The following CNTNAP5 variants were observed in gnomAD, a reference collection of about 807,000 sequenced individuals.
The protein encoded by CNTNAP5 is contactin-associated protein-like 5.
A neutral mutation model predicts 150.2 loss-of-function variants in CNTNAP5; 72 were observed. The ratio of observed to expected loss-of-function variants is 0.48; its 90% CI spans 0.40 to 0.58. CNTNAP5 has a LOEUF of 0.58. CNTNAP5 is among the 20% of genes least tolerant of loss of function. The pLI is 0.00. For synonymous variants in CNTNAP5, 672 were observed against 619.8 expected (o/e 1.08, Z -1.25); for missense variants, 1,636 against 1,626.2 (o/e 1.01, Z -0.10).
chr2:124,683,543 C>A (rs1412431961), intron 13 of CNTNAP5, among the ~76,000 whole-genome samples: 1 of 152,106 alleles, frequency 6.6e-6, no homozygotes, highest in African/African-American at 2.4e-5. Flanking sequence ...TGCCTCCCAC[C>A]CTTCCCCTTG....
At chr2:124,611,373 A>G (rs1677381723) in intron 12 of CNTNAP5, among the ~76,000 whole-genome samples, 1 of 152,256 alleles carries the variant, frequency 6.6e-6, no homozygotes, top group Non-Finnish European at 1.5e-5. Context: ...CTGTCTGCGT[A>G]GAAAATGCTG....
chr2:124,616,872 C>T (rs1227189976), intron 12 of CNTNAP5, among the ~76,000 whole-genome samples: 2 of 152,040 alleles, frequency 1.3e-5, no homozygotes, highest in African/African-American at 4.8e-5. Context: ...TCAGAACACA[C>T]AATATTGGTC....
At chr2:124,637,220 C>A (rs926235119) in intron 12 of CNTNAP5, among the ~76,000 whole-genome samples, 2 of 152,154 alleles carry the variant, frequency 1.3e-5, no homozygotes, top group African/African-American at 2.4e-5. Context: ...ATTGCCACGA[C>A]CCTTCAACCT....
At chr2:124,491,228 T>G (rs1166843616) in intron 7 of CNTNAP5, among the ~76,000 whole-genome samples, 1 of 152,096 alleles carries the variant, frequency 6.6e-6, no homozygotes, top group African/African-American at 2.4e-5. Context: ...TCTCTTACCC[T>G]CTAACCCTGA....
At chr2:124,641,411 C>T (rs1247995289) in intron 12 of CNTNAP5, among the ~76,000 whole-genome samples, 1 of 152,088 alleles carries the variant, frequency 6.6e-6, no homozygotes, top group Non-Finnish European at 1.5e-5. Context: ...CCATGAAGCC[C>T]TTTCCAAGCC....
At chr2:124,564,877 A>G (rs1213668926) in intron 11 of CNTNAP5, among the ~76,000 whole-genome samples, 1 of 152,136 alleles carries the variant, frequency 6.6e-6, no homozygotes, top group East Asian at 1.9e-4. Context: ...TAAGATAAAC[A>G]TTTTCTAGAC....
chr2:124,354,903 A>G (rs1336102245), intron 3 of CNTNAP5, among the ~76,000 whole-genome samples: 1 of 152,002 alleles, frequency 6.6e-6, no homozygotes, highest in Non-Finnish European at 1.5e-5. Context: ...TGATAAGCAT[A>G]ATCAGATCAA....
chr2:124,652,583 T>C lies in CNTNAP5; in HGVS notation c.2077+4625T>C, dbSNP rs369954524. Among the ~76,000 whole-genome samples, 19 of 152,298 alleles carry C rather than the reference T, an allele frequency of 1.2e-4. No individual in the cohort carries two copies. The South Asian group carries it at 1.4e-3, about 12-fold the overall frequency. ...TAGTCTGGAAGATTCTTGAATCACA[T>C]GGCCAATTAGCTCTATAACCCATAA... On this transcript the variant is annotated intron_variant, in intron 13 of 23. Coordinates refer to ENST00000682447, the MANE Select transcript of CNTNAP5 (RefSeq NM_001367498.1).
At chr2:124,178,861 T>C (rs1442583098) in intron 1 of CNTNAP5, among the ~76,000 whole-genome samples, 1 of 152,094 alleles carries the variant, frequency 6.6e-6, no homozygotes, top group African/African-American at 2.4e-5. Context: ...CAGCAATAGT[T>C]TGAATATGAA....
intron 1 of CNTNAP5, among the ~76,000 whole-genome samples, chr2:124,043,512 A>G (rs1029685239): frequency 6.6e-6 from 1 of 152,074 alleles, no homozygotes; most frequent in Non-Finnish European, 1.5e-5. Flanking sequence ...ATCTTTTTAT[A>G]TCTTCTTTTA....
intron 18 of CNTNAP5, among the ~76,000 whole-genome samples, chr2:124,791,634 C>T (rs1681730669): frequency 6.6e-6 from 1 of 151,090 alleles, no homozygotes; most frequent in Non-Finnish European, 1.5e-5. Flanking sequence ...CTCTGCATTT[C>T]TCTGGGGACA....
chr2:124,251,184 T>G (rs1049490650), intron 3 of CNTNAP5, among the ~76,000 whole-genome samples: 2 of 152,160 alleles, frequency 1.3e-5, no homozygotes, highest in Non-Finnish European at 2.9e-5. Flanking sequence ...CCCCTAAGTT[T>G]GTCTAACACC....
chr2:124,763,561 C>T, intron 14 of CNTNAP5, 111 bp from the exon 15 acceptor site: 1 of 973,896 alleles, frequency 1.0e-6, no homozygotes, highest in South Asian at 1.6e-5. Flanking sequence ...CCCTCTCTGC[C>T]CCTACCCTGC....
At chr2:124,788,266 T>C (rs1039457363) in intron 17 of CNTNAP5, among the ~76,000 whole-genome samples, 1 of 152,208 alleles carries the variant, frequency 6.6e-6, no homozygotes, top group African/African-American at 2.4e-5. Flanking sequence ...ACTGGATTTC[T>C]GATGGGAACA....
chr2:124,124,293 A>G (rs1305018624), intron 1 of CNTNAP5, among the ~76,000 whole-genome samples: 2 of 152,216 alleles, frequency 1.3e-5, no homozygotes, highest in Non-Finnish European at 2.9e-5. Context: ...GATTTGATCA[A>G]GTGGAAGAAA....
chr2:124,496,564 G>A (rs1694152663), intron 7 of CNTNAP5, among the ~76,000 whole-genome samples: 1 of 152,142 alleles, frequency 6.6e-6, no homozygotes, highest in African/African-American at 2.4e-5. Context: ...AAAAAGTTTT[G>A]TAAATAACAG....
intron 1 of CNTNAP5, among the ~76,000 whole-genome samples, chr2:124,056,981 T>C (rs1432249088): frequency 2.0e-5 from 3 of 152,210 alleles, no homozygotes; most frequent in Non-Finnish European, 4.4e-5. Flanking sequence ...GTTTGTTTCC[T>C]TTATTTTTTA....
intron 2 of CNTNAP5, among the ~76,000 whole-genome samples, chr2:124,240,661 A>G (rs1385991154): frequency 1.8e-5 from 1 of 56,644 alleles, no homozygotes; most frequent in Non-Finnish European, 4.0e-5. Flanking sequence ...AATGGTGAGA[A>G]AAAAAAAAAG....
chr2:124,107,323 A>C (rs1683191112), intron 1 of CNTNAP5, among the ~76,000 whole-genome samples: 1 of 152,206 alleles, frequency 6.6e-6, no homozygotes, highest in Non-Finnish European at 1.5e-5. Context: ...TCCAGACCAC[A>C]TTTTGAATCT....
Sources: allele counts gnomAD v4.1 joint callset (sites outside exome capture counted in the v4.1 genomes callset), GRCh38; gene constraint gnomAD v4.1.1; transcripts MANE v1.5; gene names NCBI Gene and HGNC (gene_info 2026-07-23, HGNC 2026-07-21).